MYBPC1: variants seen among roughly 807,000 people sequenced by gnomAD.
MYBPC1 encodes the protein myosin-binding protein C, slow-type.
Under a neutral mutation model 147.1 loss-of-function variants are expected in MYBPC1, and 52 were observed. The observed-to-expected ratio is 0.35, with a 90% confidence interval of 0.28 to 0.45. The LOEUF is 0.45. Among genes scored for constraint, MYBPC1 ranks in the 20% least tolerant of loss-of-function variants. The probability of loss-of-function intolerance (pLI) is 1.00; values close to 1 mark genes in which losing one functional copy is unlikely to be tolerated. For synonymous variants in MYBPC1, 477 were observed against 475.9 expected (o/e 1.00, Z -0.03); for missense variants, 1,228 against 1,440.3 (o/e 0.85, Z 2.39).
At chr12:101,669,187 G>A (rs1363178198) in intron 23 of MYBPC1, among the ~76,000 whole-genome samples, 1 of 152,172 alleles carries the variant, frequency 6.6e-6, no homozygotes, top group East Asian at 1.9e-4. Context: ...TGCAAAGTAT[G>A]TCTGAAGTAC....
chr12:101,629,576 T>C (rs537753778), intron 6 of MYBPC1, 32 bp downstream of exon 6: 1 of 1,531,882 alleles, frequency 6.5e-7, no homozygotes, highest in Non-Finnish European at 9.0e-7. Context: ...CTTCCTTTTT[T>C]AAAAAATTAA....
chr12:101,638,385 T>C (rs1257862459), intron 10 of MYBPC1, among the ~76,000 whole-genome samples: 3 of 152,176 alleles, frequency 2.0e-5, no homozygotes, highest in Non-Finnish European at 4.4e-5. Context: ...AGCTCTACCA[T>C]TTACTAATTA....
chr12:101,663,295 TA>T, intron 21 of MYBPC1, 130 bp from the exon 22 acceptor site: 1 of 837,302 alleles, frequency 1.2e-6, no homozygotes, highest in South Asian at 1.4e-5. Context: ...CAAGGTGTCT[TA>T]ACTGAATTTC....
At chr12:101,690,806 G>A (rs867957864), downstream of MYBPC1, among the ~76,000 whole-genome samples, 1 of 152,178 alleles carries the variant, frequency 6.6e-6, no homozygotes, top group African/African-American at 2.4e-5. Flanking sequence ...AAAGGTTTTA[G>A]TCAATCTATT....
intron 28 of MYBPC1, among the ~76,000 whole-genome samples, chr12:101,679,182 A>G (rs1347270792): frequency 6.6e-6 from 1 of 151,832 alleles, no homozygotes; most frequent in East Asian, 1.9e-4. Flanking sequence ...CAAAGGAAGA[A>G]GTCAGACTAA....
At chr12:101,647,897 CA>C (rs2136246369) in intron 13 of MYBPC1, 147 bp from the exon 14 acceptor site, 1 of 653,292 alleles carries the variant, frequency 1.5e-6, no homozygotes, top group East Asian at 3.2e-5. Context: ...AAAACAAGAA[CA>C]AAAACAAAAA....
rs565895850 is a variant in MYBPC1, at chr12:101,670,281, C to T, written c.2525-40C>T. ...CTTTTGTAAGGCTATTTTCAGACAC[C>T]AGACTGATTGCAAAATTGTGCTATT... On this transcript the variant is annotated intron_variant, in intron 23 of 31. Coordinates refer to ENST00000361466, the MANE Select transcript of MYBPC1 (RefSeq NM_002465.4). The T allele has an allele frequency of 3.7e-5, 58 of 1,550,472 alleles. No homozygotes were observed. The South Asian group carries it at 6.2e-4, about 17-fold the overall frequency.
At chr12:101,611,811 G>A (rs1884376778) in intron 1 of MYBPC1, among the ~76,000 whole-genome samples, 2 of 152,280 alleles carry the variant, frequency 1.3e-5, no homozygotes, top group South Asian at 4.1e-4. Context: ...GGGCACAGTG[G>A]CTCACGCCTG....
intron 1 of MYBPC1, among the ~76,000 whole-genome samples, chr12:101,596,072 G>A (rs2135486952): frequency 6.6e-6 from 1 of 151,994 alleles, no homozygotes; most frequent in East Asian, 1.9e-4. Flanking sequence ...AAGATTAGCA[G>A]GAAACATAAA....
Position 101,670,385 on chromosome 12 carries a change from T to C in MYBPC1, c.2589T>C (p.Ala863=). 3 of 1,613,984 alleles carry C rather than the reference T, an allele frequency of 1.9e-6. No homozygotes were observed. Among genetic ancestry groups the C allele is most frequent in the Non-Finnish European group, 2.5e-6 (3 of 1,179,856 alleles). ...KQTYIRRVGE[A]VNLVIPFQGK... ...CCTATATCCGCAGAGTTGGAGAAGC[T>C]GTCAATCTGGTTATACCTTTCCAGG... The change falls in exon 24 of 32, where the codon GCT becomes GCC. Residue 863 remains alanine (A), a synonymous_variant. Coordinates refer to ENST00000361466, the MANE Select transcript of MYBPC1 (RefSeq NM_002465.4).
At chr12:101,610,963 A>G (rs1884071043) in intron 1 of MYBPC1, among the ~76,000 whole-genome samples, 3 of 152,178 alleles carry the variant, frequency 2.0e-5, no homozygotes, top group Admixed American at 6.5e-5. Flanking sequence ...CAAAATGGAG[A>G]TAATCATAGT....
At chr12:101,637,739 T>G (rs1231242068) in intron 10 of MYBPC1, among the ~76,000 whole-genome samples, 1 of 152,170 alleles carries the variant, frequency 6.6e-6, no homozygotes, top group Non-Finnish European at 1.5e-5. Context: ...ACTGGGATTG[T>G]GTTTATTCTC....
chr12:101,680,895 A>T (rs1440345718), intron 29 of MYBPC1, among the ~76,000 whole-genome samples: 1 of 152,232 alleles, frequency 6.6e-6, no homozygotes, highest in African/African-American at 2.4e-5. Flanking sequence ...AGCCTAGTGT[A>T]AAAATCCATC....
chr12:101,618,878 T>C (rs947658891), intron 3 of MYBPC1, among the ~76,000 whole-genome samples: 2 of 151,384 alleles, frequency 1.3e-5, no homozygotes, highest in Non-Finnish European at 2.9e-5. Context: ...TGTGTGTGTG[T>C]GTGTGTGTGT....
intron 18 of MYBPC1, among the ~76,000 whole-genome samples, chr12:101,658,948 C>A (rs1410332716): frequency 1.3e-5 from 2 of 151,364 alleles, no homozygotes; most frequent in Non-Finnish European, 2.9e-5. Flanking sequence ...TGTATATTGG[C>A]TATTGATTGT....
chr12:101,678,137 G>C lies in MYBPC1; in HGVS notation c.3145G>C (p.Asp1049His), dbSNP rs534376010. Residue 1049 changes from aspartate to histidine, a missense_variant, in exon 28 of 32, where the codon GAT (aspartate) becomes CAT (histidine). By Grantham distance (81) the Asp-to-His change is moderately conservative. Transcript: ENST00000361466. ...IYKNPVYEDFDFSEAPMFTQP... is the reference protein window; with the variant it reads ...IYKNPVYEDFHFSEAPMFTQP... ...CAAAAATCCAGTGTATGAAGACTTT[G>C]ATTTCTCAGAGGCACCCATGTTTAC... 1.2e-6 allele frequency: 2 copies of C among 1,613,972 alleles called. No individual in the cohort carries two copies. The highest frequency in any genetic ancestry group is 1.7e-6 in the Non-Finnish European group (2 of 1,179,846).
intron 10 of MYBPC1, 43 bp from the exon 11 acceptor site, chr12:101,642,376 G>C: frequency 6.2e-7 from 1 of 1,606,888 alleles, no homozygotes; most frequent in Admixed American, 1.7e-5. Flanking sequence ...GTCTCTAAGG[G>C]TCAGTGCAGC....
intron 18 of MYBPC1, among the ~76,000 whole-genome samples, chr12:101,656,948 G>C (rs1241326339): frequency 1.3e-5 from 2 of 151,996 alleles, no homozygotes; most frequent in African/African-American, 4.8e-5. Context: ...CACATTCTAG[G>C]CCATAAAAAC....
At chr12:101,642,000 T>C (rs765455795) in intron 10 of MYBPC1, among the ~76,000 whole-genome samples, 5 of 152,230 alleles carry the variant, frequency 3.3e-5, no homozygotes, top group African/African-American at 1.2e-4. Context: ...TTTTATTTCA[T>C]AGGCCAAATC....
Sources: allele counts gnomAD v4.1 joint callset (sites outside exome capture counted in the v4.1 genomes callset), GRCh38; gene constraint gnomAD v4.1.1; transcripts MANE v1.5; gene names NCBI Gene and HGNC (gene_info 2026-07-23, HGNC 2026-07-21).